Variants in DECR1 observed in about 807,000 individuals in gnomAD.
DECR1 encodes the protein 2,4-dienoyl-CoA reductase [(3E)-enoyl-CoA-producing], mitochondrial.
In DECR1, 44 loss-of-function variants were observed where a neutral mutation model predicts 38.8. The observed-to-expected ratio is 1.13, with a 90% CI of 0.89 to 1.46. The LOEUF (loss-of-function observed/expected upper bound fraction) is 1.46. Among genes scored for constraint, DECR1 ranks in the 40% most tolerant of loss-of-function variants. The pLI, the probability that DECR1 is intolerant of heterozygous loss-of-function variation, is 0.00. For synonymous variants in DECR1, 148 were observed against 135.2 expected, an observed-to-expected ratio of 1.09 and a Z score of -0.66; for missense variants, 428 against 405.5, an observed-to-expected ratio of 1.06 and a Z score of -0.48.
At chr8:90,019,700 A>T (rs989260608) in intron 4 of DECR1, among the ~76,000 whole-genome samples, 1 of 152,168 alleles carries the variant, frequency 6.6e-6, no homozygotes, top group Non-Finnish European at 1.5e-5. Flanking sequence ...TGGTCCTGTG[A>T]TGGAACTCTG....
Position 90,031,088 on chromosome 8 carries a change from T to G in DECR1, c.566-5753T>G, listed in dbSNP as rs180707599. Among the ~76,000 whole-genome samples, 3 of 152,212 alleles carry G rather than the reference T, an allele frequency of 2.0e-5. No individual in the cohort carries two copies. The East Asian group carries it at 5.8e-4, about 29-fold the overall frequency. On this transcript the variant is annotated intron_variant, in intron 5 of 9. Transcript: ENST00000220764. ...GTAGTAGTTACATAGTAGTTAAGAG[T>G]GCAGGCTCTAGAGCTTAACTGCCAA...
intron 8 of DECR1, among the ~76,000 whole-genome samples, chr8:90,046,364 A>C (rs1238248914): frequency 6.6e-6 from 1 of 152,240 alleles, no homozygotes; most frequent in East Asian, 1.9e-4. Context: ...TGGAGCTGAA[A>C]ACCATGACAT....
intron 5 of DECR1, among the ~76,000 whole-genome samples, chr8:90,022,580 T>A (rs1309885670): frequency 6.6e-6 from 1 of 152,046 alleles, no homozygotes; most frequent in Admixed American, 6.6e-5. Flanking sequence ...CTCTCTTCCC[T>A]TCTCTGTCCG....
chr8:90,005,280 A>G, intron 1 of DECR1: 1 of 451,866 alleles, frequency 2.2e-6, no homozygotes, highest in Non-Finnish European at 4.4e-6. Flanking sequence ...TTGAGCATTT[A>G]CTATTTGCTA....
rs1277388514 is a variant in DECR1, at chr8:90,052,388, C to T, written c.*491C>T. ...TTCTTTGGGTAACTCAGTATTAACT[C>T]AAACCTTTAATTTTTACTAGGACCT... On this transcript the variant is annotated 3_prime_UTR_variant, in exon 10 of 10. Transcript: ENST00000220764. Among the ~76,000 whole-genome samples the T allele has an allele frequency of 6.6e-6, 1 of 152,152 alleles. No individual in the cohort carries two copies. Among genetic ancestry groups the T allele is most frequent in the Non-Finnish European group, 1.5e-5 (1 of 68,020 alleles).
intron 5 of DECR1, among the ~76,000 whole-genome samples, chr8:90,025,771 G>A (rs970956343): frequency 6.6e-6 from 1 of 152,148 alleles, no homozygotes; most frequent in Non-Finnish European, 1.5e-5. Context: ...GAATAGGAGT[G>A]GTGAGAGAGG....
intron 5 of DECR1, chr8:90,029,468 T>C (rs1317374626): frequency 6.6e-6 from 1 of 151,894 alleles, no homozygotes; most frequent in Non-Finnish European, 1.5e-5. Flanking sequence ...TGAATAATCT[T>C]ACCAGCAGCC....
rs764631715 is a variant in DECR1, at chr8:90,042,795, A to G, written c.733A>G (p.Thr245Ala). 2 of 1,612,992 alleles carry G rather than the reference A, an allele frequency of 1.2e-6. No individual in the cohort carries two copies. Among genetic ancestry groups the G allele is most frequent in the South Asian group, 2.2e-5 (2 of 91,050 alleles). Residue 245 changes from threonine to alanine, a missense_variant, in exon 7 of 10, where the codon ACC (threonine) becomes GCC (alanine). Physicochemically the swap from Thr to Ala is moderately conservative, Grantham distance 58. Coordinates refer to ENST00000220764, the MANE Select transcript of DECR1 (RefSeq NM_001359.2). ...TGTGATTCAACCAGGGCCTATAAAA[A>G]CCAAAGTAAGTTGTATTTTGCTTGT... is the stretch of plus-strand genomic sequence containing the variant. ...FNVIQPGPIK[T>A]KGAFSRLDPT...
At chr8:90,021,767 A>T (rs2130064614) in intron 5 of DECR1, among the ~76,000 whole-genome samples, 1 of 152,292 alleles carries the variant, frequency 6.6e-6, no homozygotes, top group South Asian at 2.1e-4. Context: ...ATTTGATGAG[A>T]GTATTTTTAG....
At position 90,020,961 on chromosome 8, in the gene DECR1, C is replaced by G. The variant is rs1813141995; in HGVS notation, c.470C>G (p.Ser157Cys). Residue 157 changes from serine (S) to cysteine (C), a missense_variant, in exon 5 of 10, where the codon TCT becomes TGT. By Grantham distance (112) the Ser-to-Cys change is moderately radical (BLOSUM62 -1). Transcript: ENST00000220764. Reference protein sequence around the residue: ...GNFISPTERLSPNAWKTITDI... With the variant: ...GNFISPTERLCPNAWKTITDI... ...TTTATTTCTCCTACTGAAAGACTTT[C>G]TCCTAATGCTTGGAAAACCATAACT... 6.3e-7 allele frequency: 1 copy of G among 1,593,568 alleles called. No homozygotes were observed. Among genetic ancestry groups the G allele is most frequent in the Non-Finnish European group, 8.5e-7 (1 of 1,171,952 alleles).
In DECR1 at chr8:90,053,390, A is replaced by G. The variant is rs1814141309; in HGVS notation, c.*1493A>G. Among the ~76,000 whole-genome samples, 1 of 152,158 alleles carries G rather than the reference A, an allele frequency of 6.6e-6. No homozygotes were observed. Among genetic ancestry groups the G allele is most frequent in the South Asian group, 2.1e-4 (1 of 4,832 alleles). On this transcript the variant is annotated 3_prime_UTR_variant, in exon 10 of 10. Transcript: ENST00000220764. ...CAGGGGAACTCCCATTTATAAAACC[A>G]TCAGATCTCGTGAGACTTATTCACT...
intron 7 of DECR1, 97 bp downstream of exon 7, chr8:90,042,897 T>A: frequency 9.6e-7 from 1 of 1,040,626 alleles, no homozygotes; most frequent in Non-Finnish European, 1.5e-6. Flanking sequence ...TTTCCAGAGA[T>A]GCCTAGGTTT....
At chr8:90,049,557 G>A (rs917726698) in intron 8 of DECR1, among the ~76,000 whole-genome samples, 1 of 152,194 alleles carries the variant, frequency 6.6e-6, no homozygotes, top group Non-Finnish European at 1.5e-5. Context: ...AACATTCCAT[G>A]CTCATGGATA....
chr8:90,001,568 C>A lies in DECR1; in HGVS notation c.69+7C>A. ...TGGCCTCGCTCCTCGGAGGGTAAGG[C>A]GGCCGGGGGCGCGGGGAGCGAGGAC... On this transcript the variant is annotated splice_region_variant and intron_variant, in intron 1 of 9. Transcript: ENST00000220764. The A allele has an allele frequency of 6.2e-7, 1 of 1,610,836 alleles. No individual in the cohort carries two copies. The highest frequency in any genetic ancestry group is 8.5e-7 in the Non-Finnish European group (1 of 1,178,022).
At chr8:90,034,729 G>T (rs1253775017) in intron 5 of DECR1, among the ~76,000 whole-genome samples, 1 of 152,160 alleles carries the variant, frequency 6.6e-6, no homozygotes, top group Non-Finnish European at 1.5e-5. Flanking sequence ...TGGGATTACA[G>T]GCATGAGCCA....
At chr8:90,045,164 T>C (rs1292070684) in intron 8 of DECR1, 169 bp downstream of exon 8, 2 of 465,110 alleles carry the variant, frequency 4.3e-6, no homozygotes, top group Non-Finnish European at 7.2e-6. Flanking sequence ...ATGACATTTA[T>C]TCAGTGATGT....
chr8:90,002,590 A>G (rs1373064653), intron 1 of DECR1, among the ~76,000 whole-genome samples: 3 of 152,250 alleles, frequency 2.0e-5, no homozygotes, highest in African/African-American at 7.2e-5. Flanking sequence ...GCCAGGTAGA[A>G]AAATTAATAT....
intron 5 of DECR1, among the ~76,000 whole-genome samples, 170 bp downstream of exon 5, chr8:90,021,226 T>C (rs1813155022): frequency 6.6e-6 from 1 of 152,202 alleles, no homozygotes. Context: ...ATTTGAGCAG[T>C]AATAAATATA....
intron 6 of DECR1, among the ~76,000 whole-genome samples, chr8:90,040,503 C>G (rs149146716): frequency 6.6e-6 from 1 of 152,218 alleles, no homozygotes; most frequent in African/African-American, 2.4e-5. Context: ...ACTTTAAGTT[C>G]TGGGATACAT....
Sources: allele counts gnomAD v4.1 joint callset (sites outside exome capture counted in the v4.1 genomes callset), GRCh38; gene constraint gnomAD v4.1.1; transcripts MANE v1.5; gene names NCBI Gene and HGNC (gene_info 2026-07-23, HGNC 2026-07-21).